Variants in FOCAD observed in about 807,000 individuals in gnomAD.
FOCAD encodes focadhesin.
Under a neutral mutation model 225.6 loss-of-function variants are expected in FOCAD, and 198 were observed. The observed-to-expected ratio is 0.88, with a 90% CI of 0.78 to 0.99. FOCAD has a LOEUF of 0.99. Among genes scored for constraint, FOCAD ranks in the 50% least tolerant of loss-of-function variants. FOCAD has a pLI of 0.00. For missense variants in FOCAD, 2,713 were observed against 2,123.6 expected, an observed-to-expected ratio of 1.28 and a Z score of -5.46; for synonymous variants, 897 against 755.0, an observed-to-expected ratio of 1.19 and a Z score of -3.08.
chr9:20,841,613 A>C (rs1298508814), intron 15 of FOCAD, among the ~76,000 whole-genome samples: 1 of 151,596 alleles, frequency 6.6e-6, no homozygotes, highest in Non-Finnish European at 1.5e-5. Flanking sequence ...ATATCTCCTT[A>C]TTCATCCCTG....
intron 19 of FOCAD, among the ~76,000 whole-genome samples, chr9:20,877,011 A>C (rs1830279346): frequency 6.6e-6 from 1 of 152,228 alleles, no homozygotes. Flanking sequence ...TTGCAAAAAC[A>C]GTTTAGAGAG....
intron 26 of FOCAD, among the ~76,000 whole-genome samples, chr9:20,926,705 C>A (rs969211094): frequency 6.6e-6 from 1 of 151,664 alleles, no homozygotes; most frequent in Non-Finnish European, 1.5e-5. Context: ...ATCACTTTAA[C>A]CCGGGAGGCA....
intron 11 of FOCAD, among the ~76,000 whole-genome samples, chr9:20,799,323 G>A (rs538369849): frequency 3.3e-5 from 5 of 152,184 alleles, no homozygotes; most frequent in South Asian, 4.1e-4. Flanking sequence ...TGTATATTCT[G>A]TTGATTTGGG....
At chr9:20,754,248 C>G (rs976407244) in intron 5 of FOCAD, among the ~76,000 whole-genome samples, 1 of 152,118 alleles carries the variant, frequency 6.6e-6, no homozygotes. Flanking sequence ...CAAGACTGAG[C>G]AATACTTAGC....
At chr9:20,771,779 A>G (rs934648229) in intron 8 of FOCAD, among the ~76,000 whole-genome samples, 9 of 152,192 alleles carry the variant, frequency 5.9e-5, no homozygotes, top group African/African-American at 2.2e-4. Flanking sequence ...AACAAATAAA[A>G]TTATTTCTCA....
chr9:20,863,252 CATACTTTTTTTTTT>C (rs1482094202), intron 16 of FOCAD: 1 of 141,112 alleles, frequency 7.1e-6, no homozygotes, highest in Non-Finnish European at 1.6e-5. Context: ...ATTTGTAAGC[CATACTTTTTTTTTT>C]TCATGCTTAC....
At chr9:20,787,032 C>T (rs1819991876) in intron 10 of FOCAD, 1 of 422,588 alleles carries the variant, frequency 2.4e-6, no homozygotes, top group Admixed American at 2.5e-5. Context: ...GTGCCAGTGG[C>T]AGCTGTCACT....
At chr9:20,919,992 C>G (rs568710280) in intron 24 of FOCAD, among the ~76,000 whole-genome samples, 7 of 151,886 alleles carry the variant, frequency 4.6e-5, no homozygotes, top group Admixed American at 2.6e-4. Flanking sequence ...AGCTTCAGCA[C>G]AGCAAAAGAA....
At chr9:20,706,671 T>G (rs996437168) in intron 1 of FOCAD, among the ~76,000 whole-genome samples, 8 of 152,330 alleles carry the variant, frequency 5.3e-5, no homozygotes, top group Admixed American at 3.3e-4. Flanking sequence ...GTTTCTTCAT[T>G]TCTCTAGTGA....
chr9:20,951,912 A>G (rs1837724486), intron 34 of FOCAD, among the ~76,000 whole-genome samples: 1 of 152,180 alleles, frequency 6.6e-6, no homozygotes, highest in African/African-American at 2.4e-5. Flanking sequence ...CCCACTGACA[A>G]GTAGTCTACA....
intron 15 of FOCAD, among the ~76,000 whole-genome samples, chr9:20,840,077 T>A (rs1034460985): frequency 6.6e-6 from 1 of 152,170 alleles, no homozygotes; most frequent in African/African-American, 2.4e-5. Flanking sequence ...GTAATGTTAT[T>A]TGAAGTCAGT....
At chr9:20,665,403 A>C (rs1821870831) in intron 2 of FOCAD, among the ~76,000 whole-genome samples, 1 of 152,188 alleles carries the variant, frequency 6.6e-6, no homozygotes, top group African/African-American at 2.4e-5. Context: ...TTTGTAACTA[A>C]TGAATGACGA....
At chr9:20,803,864 A>G (rs1305654068) in intron 11 of FOCAD, among the ~76,000 whole-genome samples, 2 of 152,122 alleles carry the variant, frequency 1.3e-5, no homozygotes, top group African/African-American at 4.8e-5. Flanking sequence ...GGTGTGGAGA[A>G]GTCAAGCCTA....
intron 11 of FOCAD, among the ~76,000 whole-genome samples, chr9:20,789,836 C>A (rs140185338): frequency 1.5e-4 from 22 of 151,636 alleles, no homozygotes; most frequent in African/African-American, 5.3e-4. Context: ...CACTTCACAA[C>A]GAAATCTGCA....
intron 15 of FOCAD, among the ~76,000 whole-genome samples, chr9:20,844,657 G>T (rs376195023): frequency 4.6e-5 from 7 of 151,958 alleles, no homozygotes; most frequent in African/African-American, 1.7e-4. Context: ...CACTGTACCC[G>T]GCCTCATCTA....
intron 24 of FOCAD, among the ~76,000 whole-genome samples, chr9:20,918,856 A>G (rs1179175780): frequency 6.6e-6 from 1 of 152,218 alleles, no homozygotes; most frequent in African/African-American, 2.4e-5. Flanking sequence ...GTGATAGAGC[A>G]GGGGAAAAAA....
chr9:20,862,470 C>T (rs557335933), intron 15 of FOCAD, 108 bp from the exon 16 acceptor site: 2 of 1,261,578 alleles, frequency 1.6e-6, no homozygotes, highest in Non-Finnish European at 2.2e-6. Context: ...TAGGCATAGT[C>T]TTATTTGTTT....
chr9:20,669,130 C>T (rs891374139), intron 2 of FOCAD, among the ~76,000 whole-genome samples: 1 of 152,066 alleles, frequency 6.6e-6, no homozygotes, highest in African/African-American at 2.4e-5. Flanking sequence ...TCACCAAGGA[C>T]CATAGCTGGT....
Position 20,819,802 on chromosome 9 carries a change from A to G in FOCAD, c.1462A>G (p.Asn488Asp). The G allele has an allele frequency of 1.3e-6, 2 of 1,530,814 alleles. No individual in the cohort carries two copies. The highest frequency in any genetic ancestry group is 8.8e-7 in the Non-Finnish European group (1 of 1,140,822). The allele number at this position is 1,530,814 out of a possible 1,614,324, so 94.8% of individuals were successfully genotyped here. Residue 488 changes from asparagine to aspartate, a missense_variant, in exon 12 of 44, where the codon AAT (asparagine) becomes GAT (aspartate). Physicochemically the swap from Asn to Asp is conservative, Grantham distance 23. Coordinates refer to ENST00000338382, the MANE Select transcript of FOCAD (RefSeq NM_001375567.1). The stretch of plus-strand genomic sequence containing the variant: ...TTTTAAAAATTCATTTTAGGTGCCA[A>G]ATCTGATTCCAGTTTTGATGTTCAA... ...LAQADSSQVP[N>D]LIPVLMFKLG...
Sources: allele counts gnomAD v4.1 joint callset (sites outside exome capture counted in the v4.1 genomes callset), GRCh38; gene constraint gnomAD v4.1.1; transcripts MANE v1.5; gene names NCBI Gene and HGNC (gene_info 2026-07-23, HGNC 2026-07-21).